Variants in ADAMTSL3 observed in about 807,000 individuals in gnomAD.
ADAMTSL3 encodes the protein ADAMTS like 3, also known as ADAMTS-like protein 3.
A neutral mutation model predicts 201.7 loss-of-function variants in ADAMTSL3; 128 were observed. The observed-to-expected ratio is 0.63, with a 90% CI of 0.55 to 0.73. ADAMTSL3 has a LOEUF of 0.73. ADAMTSL3 is among the 30% of genes least tolerant of loss of function. The pLI, the probability that ADAMTSL3 is intolerant of heterozygous loss-of-function variation, is 0.00. For missense variants in ADAMTSL3, 1,990 were observed against 2,119.6 expected (o/e 0.94, Z 1.20); for synonymous variants, 738 against 748.4 (o/e 0.99, Z 0.23).
chr15:83,963,406 G>T (rs1233839579), intron 19 of ADAMTSL3, among the ~76,000 whole-genome samples: 1 of 152,148 alleles, frequency 6.6e-6, no homozygotes, highest in Non-Finnish European at 1.5e-5. Context: ...TTCAAACTGG[G>T]TGGAGCCCAC....
intron 3 of ADAMTSL3, among the ~76,000 whole-genome samples, chr15:83,724,997 A>T (rs1410930957): frequency 1.3e-5 from 2 of 152,088 alleles, no homozygotes; most frequent in Admixed American, 1.3e-4. Flanking sequence ...AGCAATTGTG[A>T]ATAGTGCTGC....
At chr15:83,683,467 A>C (rs1282721109) in intron 2 of ADAMTSL3, among the ~76,000 whole-genome samples, 1 of 152,026 alleles carries the variant, frequency 6.6e-6, no homozygotes, top group Non-Finnish European at 1.5e-5. Context: ...ATTTCTACAC[A>C]TGTCTTTTCT....
intron 2 of ADAMTSL3, among the ~76,000 whole-genome samples, chr15:83,693,996 T>C (rs1344279592): frequency 6.6e-6 from 1 of 152,232 alleles, no homozygotes; most frequent in Non-Finnish European, 1.5e-5. Context: ...GCCTTTTCTC[T>C]GCCAGAGAGA....
chr15:83,920,536 C>T (rs1012147837), intron 16 of ADAMTSL3, among the ~76,000 whole-genome samples: 6 of 152,142 alleles, frequency 3.9e-5, no homozygotes, highest in Non-Finnish European at 5.9e-5. Context: ...TTTCATTACT[C>T]GGGACTTTAC....
At chr15:83,858,008 T>G (rs1413371143) in intron 7 of ADAMTSL3, among the ~76,000 whole-genome samples, 4 of 152,240 alleles carry the variant, frequency 2.6e-5, no homozygotes, top group African/African-American at 9.6e-5. Flanking sequence ...AAAACATCTC[T>G]GAGGACCAGG....
intron 2 of ADAMTSL3, among the ~76,000 whole-genome samples, chr15:83,676,252 C>A (rs1173658442): frequency 1.3e-5 from 2 of 151,852 alleles, no homozygotes; most frequent in Non-Finnish European, 2.9e-5. Context: ...CTCTCTGTAA[C>A]TGAGTTTGCC....
chr15:84,013,404 G>T (rs534362201), intron 23 of ADAMTSL3, among the ~76,000 whole-genome samples: 2 of 152,288 alleles, frequency 1.3e-5, no homozygotes, highest in South Asian at 4.1e-4. Flanking sequence ...CCATACCATG[G>T]CTTCTCCATT....
chr15:83,908,803 G>C (rs1230783642), intron 15 of ADAMTSL3, among the ~76,000 whole-genome samples: 1 of 152,182 alleles, frequency 6.6e-6, no homozygotes, highest in African/African-American at 2.4e-5. Context: ...TCCCACAGTT[G>C]AGTGGGTCAG....
Position 83,873,131 on chromosome 15 carries a change from C to A in ADAMTSL3, c.960+2172C>A. 1.4e-5 allele frequency among the ~76,000 whole-genome samples: 2 copies of A among 143,950 alleles called. 1 individual carries two copies. Among genetic ancestry groups the A allele is most frequent in the East Asian group, 4.6e-4 (2 of 4,304 alleles). The allele number at this position is 143,950 out of a possible 152,430, so 94.4% of individuals were successfully genotyped here. The stretch of plus-strand genomic sequence containing the variant: ...ACCAGCCTGTCCAACATGATGAAAC[C>A]TCATCTCTACTAAAAATACAAAAAT... On this transcript the variant is annotated intron_variant, in intron 9 of 29. Transcript: ENST00000286744.
chr15:83,831,192 C>T (rs2064149772), intron 6 of ADAMTSL3, among the ~76,000 whole-genome samples: 1 of 152,118 alleles, frequency 6.6e-6, no homozygotes, highest in African/African-American at 2.4e-5. Context: ...GGACACCTTC[C>T]TATTATTTCA....
chr15:83,752,148 A>T (rs941461494), intron 3 of ADAMTSL3, among the ~76,000 whole-genome samples: 1 of 152,222 alleles, frequency 6.6e-6, no homozygotes, highest in Non-Finnish European at 1.5e-5. Context: ...TGGAAAATCA[A>T]ATCAGTGGTA....
chr15:84,030,349 A>G (rs1003087610), intron 27 of ADAMTSL3, among the ~76,000 whole-genome samples: 3 of 152,182 alleles, frequency 2.0e-5, no homozygotes, highest in Admixed American at 1.3e-4. Flanking sequence ...CACCTCTTAC[A>G]TCAGCATGAT....
At chr15:83,892,974 TGGA>T (rs2065540934) in intron 13 of ADAMTSL3, 86 bp downstream of exon 13, 1 of 1,320,020 alleles carries the variant, frequency 7.6e-7, no homozygotes, top group South Asian at 1.4e-5. Context: ...CTAGACAGCA[TGGA>T]GACAAAAAAA....
chr15:83,686,121 A>C (rs2061532842), intron 2 of ADAMTSL3, among the ~76,000 whole-genome samples: 1 of 152,182 alleles, frequency 6.6e-6, no homozygotes, highest in African/African-American at 2.4e-5. Flanking sequence ...AGATGCAGGC[A>C]AGCAGCTACA....
chr15:83,751,849 C>T (rs934452995), intron 3 of ADAMTSL3, among the ~76,000 whole-genome samples: 2 of 152,096 alleles, frequency 1.3e-5, no homozygotes, highest in South Asian at 4.2e-4. Context: ...TTCCACCCAA[C>T]GAGAATCCAC....
chr15:83,898,999 G>A (rs937646279), intron 14 of ADAMTSL3, among the ~76,000 whole-genome samples: 1 of 152,108 alleles, frequency 6.6e-6, no homozygotes, highest in African/African-American at 2.4e-5. Context: ...TACTTTCATA[G>A]CCACTTTCAT....
chr15:83,661,121 G>A (rs2061156766), intron 2 of ADAMTSL3, among the ~76,000 whole-genome samples: 2 of 149,282 alleles, frequency 1.3e-5, no homozygotes, highest in Non-Finnish European at 3.0e-5. Flanking sequence ...TGAGGGCTCT[G>A]TTCTGTTCCA....
intron 2 of ADAMTSL3, among the ~76,000 whole-genome samples, chr15:83,701,653 C>T (rs1190693524): frequency 6.6e-6 from 1 of 152,160 alleles, no homozygotes; most frequent in Non-Finnish European, 1.5e-5. Flanking sequence ...CAATGGTTTC[C>T]ACTTTGCATC....
chr15:83,719,638 A>G (rs2062070151), intron 3 of ADAMTSL3, among the ~76,000 whole-genome samples: 1 of 152,170 alleles, frequency 6.6e-6, no homozygotes, highest in African/African-American at 2.4e-5. Context: ...ATAAGCTTGG[A>G]CTTGGGTTGC....
Sources: gnomAD v4.1 joint callset for allele counts (sites outside exome capture counted in the v4.1 genomes callset) on GRCh38, gnomAD v4.1.1 for gene constraint, MANE v1.5 for transcripts, NCBI Gene and HGNC (gene_info 2026-07-23, HGNC 2026-07-21) for gene names.